CSMD1: variants seen among roughly 807,000 people sequenced by gnomAD.
The protein encoded by CSMD1 is CUB and sushi domain-containing protein 1.
In CSMD1, 213 loss-of-function variants were observed where a neutral mutation model predicts 417.5. The ratio of observed to expected loss-of-function variants is 0.51; its 90% confidence interval spans 0.46 to 0.57. CSMD1 has a LOEUF of 0.57. CSMD1 is among the 20% of genes least tolerant of loss of function. The probability of loss-of-function intolerance (pLI) is 0.00; values close to 1 mark genes in which losing one functional copy is unlikely to be tolerated. For missense variants in CSMD1, 6,923 were observed against 4,529.7 expected, an observed-to-expected ratio of 1.53 and a Z score of -15.17; for synonymous variants, 2,862 against 1,736.8, an observed-to-expected ratio of 1.65 and a Z score of -16.11.
At chr8:4,604,309 T>A (rs1158870448) in intron 2 of CSMD1, among the ~76,000 whole-genome samples, 1 of 151,572 alleles carries the variant, frequency 6.6e-6, no homozygotes, top group African/African-American at 2.4e-5. Flanking sequence ...ATAACAGGAA[T>A]ATGCATTAAA....
intron 3 of CSMD1, among the ~76,000 whole-genome samples, chr8:4,115,288 G>A (rs574280711): frequency 1.3e-3 from 204 of 152,226 alleles, no homozygotes; most frequent in African/African-American, 4.7e-3. Flanking sequence ...ATAATTTTTA[G>A]CATTTTTGGC....
intron 3 of CSMD1, among the ~76,000 whole-genome samples, chr8:4,316,433 G>A (rs1163110289): frequency 6.6e-6 from 1 of 152,144 alleles, no homozygotes; most frequent in Admixed American, 6.5e-5. Flanking sequence ...TTAGGTTGAT[G>A]TGAAATAACT....
At chr8:3,898,768 G>A (rs934703954) in intron 5 of CSMD1, among the ~76,000 whole-genome samples, 1 of 152,056 alleles carries the variant, frequency 6.6e-6, no homozygotes, top group Non-Finnish European at 1.5e-5. Context: ...ATATATATTT[G>A]AGGAAGACCT....
At chr8:3,667,472 G>A (rs1030046597) in intron 7 of CSMD1, among the ~76,000 whole-genome samples, 1 of 152,006 alleles carries the variant, frequency 6.6e-6, no homozygotes, top group African/African-American at 2.4e-5. Flanking sequence ...TACAGCCCTG[G>A]CAAACAATGC....
chr8:4,967,128 T>C lies in CSMD1; in HGVS notation c.85+27204A>G, dbSNP rs571750650. On this transcript the variant is annotated intron_variant, in intron 1 of 69. Coordinates refer to ENST00000635120, the MANE Select transcript of CSMD1 (RefSeq NM_033225.6). ...ATTTGTCTTAAAAAAAAATCAGGGTTCATTCAAAGGAAGAGACTCCTTGTA... is the reference window on the plus strand; with the variant it reads ...ATTTGTCTTAAAAAAAAATCAGGGTCCATTCAAAGGAAGAGACTCCTTGTA... Among the ~76,000 whole-genome samples, 4 of 152,310 alleles carry C rather than the reference T, an allele frequency of 2.6e-5. No individual in the cohort carries two copies. In the South Asian group the frequency reaches 8.3e-4, roughly 32 times the overall value.
At chr8:4,601,181 C>T (rs916808857) in intron 2 of CSMD1, among the ~76,000 whole-genome samples, 2 of 152,154 alleles carry the variant, frequency 1.3e-5, no homozygotes, top group Admixed American at 1.3e-4. Flanking sequence ...TCTCGAACTC[C>T]TAACCTCAGA....
intron 3 of CSMD1, among the ~76,000 whole-genome samples, chr8:4,179,917 G>C (rs1005678196): frequency 2.8e-4 from 43 of 152,236 alleles, no homozygotes; most frequent in African/African-American, 1.0e-3. Context: ...TCATTAAAAA[G>C]TCAGGAAACA....
chr8:4,121,383 G>T (rs1293120052), intron 3 of CSMD1, among the ~76,000 whole-genome samples: 1 of 152,078 alleles, frequency 6.6e-6, no homozygotes, highest in Admixed American at 6.6e-5. Flanking sequence ...CCAAAGGGCT[G>T]GGATTACAGG....
At chr8:4,897,621 G>T (rs556186940) in intron 1 of CSMD1, among the ~76,000 whole-genome samples, 13 of 151,980 alleles carry the variant, frequency 8.6e-5, no homozygotes, top group Non-Finnish European at 1.5e-4. Context: ...CTCATTATTT[G>T]TCATTACGTT....
intron 1 of CSMD1, among the ~76,000 whole-genome samples, chr8:4,977,078 TA>T (rs1316551651): frequency 6.6e-6 from 1 of 152,212 alleles, no homozygotes; most frequent in Non-Finnish European, 1.5e-5. Context: ...TCAACAGTTA[TA>T]TTGGCGTTTC....
chr8:3,308,577 C>A lies in CSMD1; in HGVS notation c.3632-74G>T. 2.4e-6 allele frequency: 3 copies of A among 1,256,408 alleles called. 1 individual carries two copies. The highest frequency in any genetic ancestry group is 4.1e-4 in the Middle Eastern group (2 of 4,842). 77.8% of individuals were successfully genotyped at this position (1,256,408 alleles called of 1,614,324 possible). A position where few individuals can be genotyped will look rare whatever the true frequency, so the allele number is the denominator to read the frequency against. On this transcript the variant is annotated intron_variant, in intron 23 of 69. Coordinates refer to ENST00000635120, the MANE Select transcript of CSMD1 (RefSeq NM_033225.6). The stretch of plus-strand genomic sequence containing the variant: ...TGCCTTAAAACAGAGATGAAACAAA[C>A]AAGGTTGCTAAATGCTCCTTGAAGG...
At chr8:3,909,744 G>T (rs1056704515) in intron 5 of CSMD1, among the ~76,000 whole-genome samples, 1 of 152,134 alleles carries the variant, frequency 6.6e-6, no homozygotes, top group Non-Finnish European at 1.5e-5. Context: ...AGGGAAGGGG[G>T]TCTTGACTCT....
At chr8:3,165,820 G>C (rs917189061) in intron 37 of CSMD1, among the ~76,000 whole-genome samples, 2 of 152,078 alleles carry the variant, frequency 1.3e-5, no homozygotes, top group African/African-American at 2.4e-5. Context: ...GAGCACAGGA[G>C]AACTCTGAGC....
intron 2 of CSMD1, among the ~76,000 whole-genome samples, chr8:4,509,428 T>G (rs1333998843): frequency 6.6e-6 from 1 of 152,114 alleles, no homozygotes; most frequent in African/African-American, 2.4e-5. Flanking sequence ...ATGTAAAGAA[T>G]TAATTAAAGA....
Position 3,619,181 on chromosome 8 carries a change from C to A in CSMD1, c.1010-2384G>T, listed in dbSNP as rs925092308. Among the ~76,000 whole-genome samples, 11 of 152,092 alleles carry A rather than the reference C, an allele frequency of 7.2e-5. 1 individual carries two copies. The highest frequency in any genetic ancestry group is 2.1e-4 in the South Asian group (1 of 4,822). Reference sequence around the variant, plus strand: ...GGAATATTAATATGTTTAAAAGCAGCTGGGGAAAAAAATAAAAACAAAAAT... The same window carrying A: ...GGAATATTAATATGTTTAAAAGCAGATGGGGAAAAAAATAAAAACAAAAAT... On this transcript the variant is annotated intron_variant, in intron 7 of 69. Coordinates refer to ENST00000635120, the MANE Select transcript of CSMD1 (RefSeq NM_033225.6).
chr8:3,875,283 A>C (rs1178919472), intron 5 of CSMD1, among the ~76,000 whole-genome samples: 2 of 152,190 alleles, frequency 1.3e-5, no homozygotes, highest in Non-Finnish European at 2.9e-5. Flanking sequence ...GGCAATATTT[A>C]CACTGCATTA....
At chr8:3,292,398 C>G (rs1013644917) in intron 25 of CSMD1, among the ~76,000 whole-genome samples, 3 of 152,004 alleles carry the variant, frequency 2.0e-5, no homozygotes, top group African/African-American at 7.3e-5. Context: ...CTTTCTGTCT[C>G]GTTGATCTGT....
intron 30 of CSMD1, among the ~76,000 whole-genome samples, chr8:3,212,688 G>C (rs1447820263): frequency 2.6e-5 from 4 of 151,984 alleles, no homozygotes; most frequent in Admixed American, 2.6e-4. Context: ...CTACTGCTGG[G>C]TCCAGACAGC....
At chr8:4,007,418 T>A (rs887322523) in intron 4 of CSMD1, among the ~76,000 whole-genome samples, 1 of 152,162 alleles carries the variant, frequency 6.6e-6, no homozygotes, top group East Asian at 1.9e-4. Context: ...CTAAGGCCTT[T>A]GCAATGACCA....
Sources: gnomAD v4.1 joint callset for allele counts (sites outside exome capture counted in the v4.1 genomes callset) on GRCh38, gnomAD v4.1.1 for gene constraint, MANE v1.5 for transcripts, NCBI Gene and HGNC (gene_info 2026-07-23, HGNC 2026-07-21) for gene names.